LRP1B: variants seen among roughly 807,000 people sequenced by gnomAD.
LRP1B encodes the protein LDL receptor related protein 1B.
Under a neutral mutation model 556.6 loss-of-function variants are expected in LRP1B, and 217 were observed. That is an observed-to-expected ratio of 0.39 (90% CI 0.35 to 0.44). LRP1B has a LOEUF of 0.44. Among genes scored for constraint, LRP1B ranks in the 20% least tolerant of loss-of-function variants. LRP1B has a pLI of 1.00. For synonymous variants in LRP1B, 2,047 were observed against 1,865.8 expected, an observed-to-expected ratio of 1.10 and a Z score of -2.50; for missense variants, 5,053 against 5,620.8, an observed-to-expected ratio of 0.90 and a Z score of 3.23.
At chr2:140,602,752 CT>C (rs35916159) in intron 41 of LRP1B, among the ~76,000 whole-genome samples, 60,908 of 151,180 alleles carry the variant, frequency 0.4, 12,499 homozygotes, top group Middle Eastern at 0.5. Flanking sequence ...TTTTTTATTT[CT>C]TTTTTTACAT....
At chr2:140,492,357 T>A (rs1383527225) in intron 57 of LRP1B, among the ~76,000 whole-genome samples, 1 of 152,124 alleles carries the variant, frequency 6.6e-6, no homozygotes, top group Non-Finnish European at 1.5e-5. Flanking sequence ...ACTAGAAAAA[T>A]GAGAAATAAC....
chr2:141,705,744 C>T (rs1177185815), intron 2 of LRP1B, among the ~76,000 whole-genome samples: 1 of 151,932 alleles, frequency 6.6e-6, no homozygotes, highest in African/African-American at 2.4e-5. Context: ...TGCTAGTATT[C>T]CAATGATACT....
chr2:140,485,905 T>C (rs963558925), intron 58 of LRP1B, among the ~76,000 whole-genome samples: 2 of 150,632 alleles, frequency 1.3e-5, no homozygotes, highest in East Asian at 4.0e-4. Flanking sequence ...ATTATTTTTC[T>C]TTAACCAGTT....
intron 42 of LRP1B, 122 bp downstream of exon 42, chr2:140,601,328 T>C (rs895310534): frequency 2.2e-6 from 2 of 917,136 alleles, no homozygotes; most frequent in South Asian, 3.0e-5. Context: ...GTTTTATGAA[T>C]TGTGAAAATA....
At chr2:140,467,571 C>A (rs1247612308) in intron 60 of LRP1B, among the ~76,000 whole-genome samples, 1 of 148,934 alleles carries the variant, frequency 6.7e-6, no homozygotes, top group Non-Finnish European at 1.5e-5. Flanking sequence ...CGAGATCAAG[C>A]CACTGCACTC....
Position 140,655,786 on chromosome 2 carries a change from CA to C in LRP1B, c.6799+44463del, listed in dbSNP as rs922401124. Among the ~76,000 whole-genome samples, 3 of 151,900 alleles carry C rather than the reference CA, an allele frequency of 2.0e-5. No individual in the cohort carries two copies. In the East Asian group the frequency reaches 5.8e-4, roughly 29 times the overall value. On this transcript the variant is annotated intron_variant, in intron 41 of 90. Coordinates refer to ENST00000389484, the MANE Select transcript of LRP1B (RefSeq NM_018557.3). The stretch of plus-strand genomic sequence containing the variant: ...TGAAACCCCGTCTCTACTAAAAATA[CA>C]AAAAAATTAGCCGGGCATAGTGGCG...
intron 43 of LRP1B, among the ~76,000 whole-genome samples, chr2:140,560,207 ATAAAGT>A (rs1680879109): frequency 6.6e-6 from 1 of 152,162 alleles, no homozygotes; most frequent in African/African-American, 2.4e-5. Context: ...CCTCAAATAC[ATAAAGT>A]TAAAGCAAGA....
chr2:140,869,987 G>A (rs762665075), intron 25 of LRP1B, among the ~76,000 whole-genome samples: 2 of 151,978 alleles, frequency 1.3e-5, no homozygotes, highest in Non-Finnish European at 2.9e-5. Context: ...ACCTTCTCTT[G>A]TTTCTCTCTT....
chr2:140,800,649 G>C (rs1212413546), intron 32 of LRP1B, among the ~76,000 whole-genome samples: 1 of 152,106 alleles, frequency 6.6e-6, no homozygotes, highest in East Asian at 1.9e-4. Flanking sequence ...CTACCTTTAA[G>C]AACCCAATAC....
At position 141,547,119 on chromosome 2, in the gene LRP1B, G is replaced by A. The variant is rs566087535; in HGVS notation, c.206-66586C>T. ...GTCCAACAAACAGCGTAAACCAAAC[G>A]CATCTAAAACTGTACTCTACCTCTC... On this transcript the variant is annotated intron_variant, in intron 2 of 90. Transcript: ENST00000389484. 7.2e-5 allele frequency among the ~76,000 whole-genome samples: 11 copies of A among 152,204 alleles called. No individual in the cohort carries two copies. In the South Asian group the frequency reaches 1.5e-3, roughly 20 times the overall value.
At chr2:141,388,821 A>G (rs578077240) in intron 3 of LRP1B, among the ~76,000 whole-genome samples, 3 of 152,330 alleles carry the variant, frequency 2.0e-5, no homozygotes, top group Non-Finnish European at 2.9e-5. Flanking sequence ...TGCCGGGCAC[A>G]TGATTGACAC....
chr2:141,102,983 T>G (rs1700504619), intron 7 of LRP1B, among the ~76,000 whole-genome samples: 1 of 152,140 alleles, frequency 6.6e-6, no homozygotes, highest in South Asian at 2.1e-4. Context: ...TTTTCATCCT[T>G]ATCCTATAAT....
intron 87 of LRP1B, among the ~76,000 whole-genome samples, chr2:140,240,769 C>G (rs1680914407): frequency 6.6e-6 from 1 of 150,766 alleles, no homozygotes. Flanking sequence ...AAGAATAGAA[C>G]ATTAAAAATT....
chr2:140,702,230 A>C lies in LRP1B; in HGVS notation c.6213T>G (p.Thr2071=), dbSNP rs779003727. ...ACAGCACCATCTCGCGATTCCCTCCAGTCTCAAGGTCGATTCTCTCTATCT... is the reference window on the plus strand; with the variant it reads ...ACAGCACCATCTCGCGATTCCCTCCCGTCTCAAGGTCGATTCTCTCTATCT... ...TDKIERIDLE[T]GGNREMVLSG... Residue 2071 remains threonine, a synonymous_variant, in exon 39 of 91, where the codon ACT becomes ACG. Coordinates refer to ENST00000389484, the MANE Select transcript of LRP1B (RefSeq NM_018557.3). 3.1e-6 allele frequency: 5 copies of C among 1,613,794 alleles called. 1 individual carries two copies. The highest frequency in any genetic ancestry group is 3.3e-4 in the Middle Eastern group (2 of 6,058).
chr2:141,113,436 G>C (rs1007928755), intron 7 of LRP1B, among the ~76,000 whole-genome samples: 1 of 152,108 alleles, frequency 6.6e-6, no homozygotes, highest in South Asian at 2.1e-4. Flanking sequence ...CTGAATAAAG[G>C]TTCTTTTAAA....
At chr2:140,471,011 G>A (rs1263618055) in intron 60 of LRP1B, among the ~76,000 whole-genome samples, 4 of 152,118 alleles carry the variant, frequency 2.6e-5, no homozygotes, top group African/African-American at 7.2e-5. Context: ...TTTCCTAGGA[G>A]GGTTTCAGTT....
intron 3 of LRP1B, among the ~76,000 whole-genome samples, chr2:141,448,380 C>T (rs1051468780): frequency 6.6e-6 from 1 of 152,166 alleles, no homozygotes; most frequent in African/African-American, 2.4e-5. Context: ...CTGAGCAAGA[C>T]CACTTGGCTT....
At chr2:140,864,058 C>T (rs549792844) in intron 27 of LRP1B, among the ~76,000 whole-genome samples, 6 of 151,854 alleles carry the variant, frequency 4.0e-5, no homozygotes, top group African/African-American at 1.4e-4. Flanking sequence ...AACGATTATC[C>T]CCTGGCTGTT....
At position 141,638,715 on chromosome 2, in the gene LRP1B, G is replaced by A. The variant is rs1255584675; in HGVS notation, c.206-158182C>T. Among the ~76,000 whole-genome samples, 7 of 110,536 alleles carry A rather than the reference G, an allele frequency of 6.3e-5. 2 individuals are homozygous for A. In the East Asian group the frequency reaches 1.4e-3, roughly 22 times the overall value. 72.5% of individuals were successfully genotyped at this position (110,536 alleles called of 152,430 possible). ...ATCATCAAGCAATTTGAAGGCTTAT[G>A]TGACATAGTTAATAAAAAGAAATAT... On this transcript the variant is annotated intron_variant, in intron 2 of 90. Transcript: ENST00000389484.
Sources: gnomAD v4.1 joint callset for allele counts (sites outside exome capture counted in the v4.1 genomes callset) on GRCh38, gnomAD v4.1.1 for gene constraint, MANE v1.5 for transcripts, NCBI Gene and HGNC (gene_info 2026-07-23, HGNC 2026-07-21) for gene names.